The following TMEM266 variants were observed in gnomAD, a reference collection of about 807,000 sequenced individuals.
The protein encoded by TMEM266 is transmembrane protein 266, also known as Hv1 related protein 1.
In TMEM266, 33 loss-of-function variants were observed where a neutral mutation model predicts 50.5. The ratio of observed to expected loss-of-function variants is 0.65; its 90% CI spans 0.50 to 0.87. TMEM266 has a LOEUF of 0.87. TMEM266 is among the 40% of genes least tolerant of loss of function. TMEM266 has a pLI of 0.00. For synonymous variants in TMEM266, 310 were observed against 292.3 expected (o/e 1.06, Z -0.62); for missense variants, 655 against 695.1 (o/e 0.94, Z 0.65).
At chr15:76,203,225 A>C (rs561240386) in intron 10 of TMEM266, among the ~76,000 whole-genome samples, 47 of 148,474 alleles carry the variant, frequency 3.2e-4, no homozygotes, top group African/African-American at 1.1e-3. Context: ...CATGGAACCC[A>C]AGTTCCCTGC....
intron 1 of TMEM266, among the ~76,000 whole-genome samples, chr15:76,086,759 C>T (rs552930764): frequency 6.6e-6 from 1 of 151,964 alleles, no homozygotes; most frequent in African/African-American, 2.4e-5. Context: ...CCTATGCAAA[C>T]GTCTGATTCG....
intron 3 of TMEM266, among the ~76,000 whole-genome samples, chr15:76,145,798 T>G (rs1362938533): frequency 6.6e-6 from 1 of 152,272 alleles, no homozygotes; most frequent in African/African-American, 2.4e-5. Flanking sequence ...CTTGGTCAGT[T>G]GATGCTTTCA....
chr15:76,104,316 C>A (rs1421351023), intron 1 of TMEM266, among the ~76,000 whole-genome samples: 2 of 152,106 alleles, frequency 1.3e-5, no homozygotes, highest in African/African-American at 4.8e-5. Context: ...TGAATTAAAA[C>A]TAAATAAACT....
In TMEM266 at chr15:76,160,200, C is replaced by T; in HGVS notation, c.456+32C>T. The stretch of plus-strand genomic sequence containing the variant: ...GGAGACTCTGGCCCTGTCACCTCCT[C>T]TGTTGGGTGACTCCTGTCCTGGGGA... On this transcript the variant is annotated intron_variant, in intron 5 of 10. Transcript: ENST00000388942. This position sits in a 1 kb window ranked among gnomAD's most constrained non-coding sequence, Gnocchi z 5.7. The T allele has an allele frequency of 6.3e-7, 1 of 1,589,358 alleles. No individual in the cohort carries two copies. Among genetic ancestry groups the T allele is most frequent in the South Asian group, 1.1e-5 (1 of 90,520 alleles).
chr15:76,135,253 T>C (rs145717542), intron 2 of TMEM266, among the ~76,000 whole-genome samples: 1 of 152,358 alleles, frequency 6.6e-6, no homozygotes, highest in East Asian at 1.9e-4. Context: ...TTGTCTACCA[T>C]ACCGTTCTTT....
At chr15:76,094,680 G>A (rs1019092058) in intron 1 of TMEM266, among the ~76,000 whole-genome samples, 3 of 152,020 alleles carry the variant, frequency 2.0e-5, no homozygotes, top group Admixed American at 6.5e-5. Flanking sequence ...GATGGGGATA[G>A]CATTGAATCT....
At chr15:76,191,023 G>A in intron 8 of TMEM266, among the ~76,000 whole-genome samples, 1 of 152,380 alleles carries the variant, frequency 6.6e-6, no homozygotes, top group Admixed American at 6.5e-5. Flanking sequence ...GATGTCCCAT[G>A]AAGGCCTTGG....
At chr15:76,110,110 C>T (rs1041097467) in intron 1 of TMEM266, among the ~76,000 whole-genome samples, 1 of 152,088 alleles carries the variant, frequency 6.6e-6, no homozygotes, top group African/African-American at 2.4e-5. Flanking sequence ...AGCGATTCTC[C>T]TGCCTCAGCC....
chr15:76,143,152 C>T (rs1384601255), intron 3 of TMEM266, among the ~76,000 whole-genome samples: 2 of 152,198 alleles, frequency 1.3e-5, no homozygotes, highest in Non-Finnish European at 2.9e-5. Context: ...CTTCCCCTCC[C>T]GCCTTCTCAG....
At chr15:76,155,912 G>T (rs565209404) in intron 3 of TMEM266, among the ~76,000 whole-genome samples, 1 of 152,168 alleles carries the variant, frequency 6.6e-6, no homozygotes, top group Non-Finnish European at 1.5e-5. Flanking sequence ...CCATGTCACC[G>T]CATTCTTAGA....
At chr15:76,166,368 G>A (rs891467520) in intron 5 of TMEM266, among the ~76,000 whole-genome samples, 8 of 152,280 alleles carry the variant, frequency 5.3e-5, no homozygotes, top group East Asian at 1.9e-4. Context: ...TCTCCACAGC[G>A]GCCTCTTGCT....
chr15:76,117,421 T>C (rs1241010769), intron 1 of TMEM266, among the ~76,000 whole-genome samples: 1 of 152,072 alleles, frequency 6.6e-6, no homozygotes, highest in Non-Finnish European at 1.5e-5. Flanking sequence ...GTGGCAAAAC[T>C]GGGCTCCGAC....
intron 3 of TMEM266, among the ~76,000 whole-genome samples, chr15:76,144,412 C>T (rs74963212): frequency 6.6e-6 from 1 of 152,140 alleles, no homozygotes; most frequent in Admixed American, 6.5e-5. Flanking sequence ...TCCCTCCTGA[C>T]CATGTCCAGT....
intron 1 of TMEM266, among the ~76,000 whole-genome samples, chr15:76,068,078 A>G (rs1567138833): frequency 6.6e-6 from 1 of 152,158 alleles, no homozygotes; most frequent in East Asian, 1.9e-4. Flanking sequence ...TTAGCTGGAG[A>G]CTTGTGATTT....
intron 1 of TMEM266, among the ~76,000 whole-genome samples, chr15:76,115,087 A>G (rs867305230): frequency 3.3e-4 from 51 of 152,332 alleles, no homozygotes; most frequent in African/African-American, 1.1e-3. Flanking sequence ...CCTGGGCAAC[A>G]TAGTGAGACC....
intron 8 of TMEM266, among the ~76,000 whole-genome samples, chr15:76,185,989 G>C (rs564330525): frequency 6.6e-6 from 1 of 152,216 alleles, no homozygotes; most frequent in South Asian, 2.1e-4. Context: ...TGGGCCAAGA[G>C]CTCAGCCTCC....
At chr15:76,066,877 G>A (rs545393632) in intron 1 of TMEM266, among the ~76,000 whole-genome samples, 1 of 152,162 alleles carries the variant, frequency 6.6e-6, no homozygotes, top group African/African-American at 2.4e-5. Context: ...TTGACACATG[G>A]GGCCAGGTGA....
At chr15:76,119,695 A>G (rs2037311172) in intron 1 of TMEM266, among the ~76,000 whole-genome samples, 1 of 152,108 alleles carries the variant, frequency 6.6e-6, no homozygotes, top group Non-Finnish European at 1.5e-5. Flanking sequence ...TGAACCCAGG[A>G]GGTGGAGGCT....
intron 8 of TMEM266, among the ~76,000 whole-genome samples, chr15:76,189,945 A>G (rs548475841): frequency 2.2e-4 from 33 of 152,254 alleles, no homozygotes; most frequent in Non-Finnish European, 4.3e-4. Flanking sequence ...CTGCAGTCCC[A>G]GAGACCGAAC....
Sources: gnomAD v4.1 joint callset for allele counts (sites outside exome capture counted in the v4.1 genomes callset) on GRCh38, gnomAD v4.1.1 for gene constraint, Gnocchi (gnomAD v3.1) non-coding constraint, MANE v1.5 for transcripts, NCBI Gene and HGNC (gene_info 2026-07-23, HGNC 2026-07-21) for gene names.